Variants in TBC1D19 observed in about 807,000 individuals in gnomAD.
The protein encoded by TBC1D19 is TBC1 domain family member 19.
TBC1D19 carries 60 observed loss-of-function variants against 89.0 expected under a neutral mutation model. The observed-to-expected ratio is 0.67, with a 90% CI of 0.55 to 0.84. TBC1D19 has a LOEUF of 0.84. Ranked by LOEUF, TBC1D19 falls within the 40% of genes least tolerant of loss-of-function variation. TBC1D19 has a pLI of 0.00. For missense variants in TBC1D19, 500 were observed against 610.8 expected, an observed-to-expected ratio of 0.82 and a Z score of 1.91; for synonymous variants, 189 against 199.7, an observed-to-expected ratio of 0.95 and a Z score of 0.45.
the TBC1D19 span, among the ~76,000 whole-genome samples, chr4:26,799,788 G>GT: frequency 6.6e-6 from 1 of 152,106 alleles, no homozygotes; most frequent in South Asian, 2.1e-4. Flanking sequence ...ATAAATTCCT[G>GT]TTGTTTATAC....
chr4:26,717,881 C>T, intron 13 of TBC1D19, 52 bp from the exon 14 acceptor site: 1 of 1,428,590 alleles, frequency 7.0e-7, no homozygotes, highest in South Asian at 1.2e-5. Context: ...AATGAATTAC[C>T]TGGTTTTATA....
chr4:26,711,416 A>T (rs1421316607), intron 13 of TBC1D19, among the ~76,000 whole-genome samples: 6 of 152,048 alleles, frequency 3.9e-5, no homozygotes. Context: ...AAATTTTATA[A>T]TAGTTTTACG....
At chr4:26,740,888 A>G (rs1718327646) in intron 17 of TBC1D19, 2 of 985,282 alleles carry the variant, frequency 2.0e-6, no homozygotes, top group Non-Finnish European at 2.4e-6. Flanking sequence ...TTTTGCTTTC[A>G]TACATCGCTA....
intron 8 of TBC1D19, among the ~76,000 whole-genome samples, chr4:26,661,518 G>A (rs1465537481): frequency 3.9e-5 from 6 of 151,942 alleles, no homozygotes; most frequent in Non-Finnish European, 7.4e-5. Flanking sequence ...TTTCTAAATC[G>A]GAACGACCAA....
At chr4:26,638,857 A>T (rs1286881688) in intron 6 of TBC1D19, 23 bp downstream of exon 6, 3 of 1,565,742 alleles carry the variant, frequency 1.9e-6, no homozygotes, top group African/African-American at 1.4e-5. Context: ...TTTTTTCTGA[A>T]TGTAGTAGTG....
At position 26,734,932 on chromosome 4, in the gene TBC1D19, G is replaced by A. The variant is rs1448585235; in HGVS notation, c.1085-523G>A. ...CACACATGTGTACATACACATATAT[G>A]TGTGTATATATGTATACACATATGT... On this transcript the variant is annotated intron_variant, in intron 15 of 20. Transcript: ENST00000264866. Among the ~76,000 whole-genome samples, 53 of 62,414 alleles carry A rather than the reference G, an allele frequency of 8.5e-4. No individual in the cohort carries two copies. In the South Asian group the frequency reaches 0.018, roughly 21 times the overall value. 40.9% of individuals were successfully genotyped at this position (62,414 alleles called of 152,430 possible).
intron 11 of TBC1D19, among the ~76,000 whole-genome samples, chr4:26,676,362 CAAACTT>C (rs1392436395): frequency 6.6e-6 from 1 of 152,220 alleles, no homozygotes; most frequent in East Asian, 1.9e-4. Context: ...TTCTTCCTGC[CAAACTT>C]GTAAACTTAA....
intron 1 of TBC1D19, among the ~76,000 whole-genome samples, chr4:26,593,188 A>G: frequency 6.6e-6 from 1 of 152,184 alleles, no homozygotes; most frequent in Non-Finnish European, 1.5e-5. Context: ...AATGCCACAT[A>G]TCTACAACTA....
downstream of TBC1D19, among the ~76,000 whole-genome samples, chr4:26,756,531 C>T (rs542158459): frequency 3.3e-5 from 5 of 152,168 alleles, no homozygotes; most frequent in African/African-American, 9.6e-5. Flanking sequence ...TGTAAGCTTT[C>T]TTATCTGTAA....
At chr4:26,776,622 T>C in the TBC1D19 span, among the ~76,000 whole-genome samples, 1 of 152,244 alleles carries the variant, frequency 6.6e-6, no homozygotes, top group Non-Finnish European at 1.5e-5. Flanking sequence ...GCTTGTTTTC[T>C]ATTTAGATAC....
chr4:26,816,515 G>A, the TBC1D19 span, among the ~76,000 whole-genome samples: 24 of 152,040 alleles, frequency 1.6e-4, no homozygotes, highest in African/African-American at 3.9e-4. Flanking sequence ...GGGGAAAATC[G>A]TAAATTTACA....
At chr4:26,798,678 C>A in the TBC1D19 span, among the ~76,000 whole-genome samples, 16 of 151,806 alleles carry the variant, frequency 1.1e-4, no homozygotes, top group African/African-American at 3.9e-4. Flanking sequence ...GAAATATATA[C>A]CATGGAATAC....
intron 13 of TBC1D19, among the ~76,000 whole-genome samples, chr4:26,710,351 G>A (rs1388601206): frequency 1.3e-5 from 2 of 152,162 alleles, no homozygotes; most frequent in Non-Finnish European, 2.9e-5. Context: ...TCCCTACAAA[G>A]GACATGAACT....
intron 4 of TBC1D19, among the ~76,000 whole-genome samples, chr4:26,626,164 T>A (rs752270706): frequency 2.6e-5 from 4 of 152,212 alleles, no homozygotes; most frequent in Non-Finnish European, 5.9e-5. Context: ...TAATATTTTT[T>A]AATTTTGTTG....
At chr4:26,594,967 A>G (rs1740111751) in intron 1 of TBC1D19, among the ~76,000 whole-genome samples, 1 of 152,214 alleles carries the variant, frequency 6.6e-6, no homozygotes, top group South Asian at 2.1e-4. Context: ...CAAAGAGTGA[A>G]ATTGATAGAT....
intron 11 of TBC1D19, among the ~76,000 whole-genome samples, chr4:26,676,474 T>C (rs1330385543): frequency 6.6e-6 from 1 of 152,150 alleles, no homozygotes; most frequent in Non-Finnish European, 1.5e-5. Context: ...TCCCAGCATT[T>C]TGGAAGGCTG....
At chr4:26,674,521 A>C (rs2109114693) in intron 11 of TBC1D19, among the ~76,000 whole-genome samples, 1 of 152,176 alleles carries the variant, frequency 6.6e-6, no homozygotes, top group East Asian at 1.9e-4. Context: ...CCATTTAAAA[A>C]ATTTTAATGA....
At chr4:26,807,201 G>A in the TBC1D19 span, among the ~76,000 whole-genome samples, 2 of 152,092 alleles carry the variant, frequency 1.3e-5, no homozygotes, top group African/African-American at 4.8e-5. Context: ...GGGATCCAGA[G>A]TCCCCCATCC....
intron 11 of TBC1D19, among the ~76,000 whole-genome samples, chr4:26,683,136 T>A (rs1426700706): frequency 6.6e-6 from 1 of 152,172 alleles, no homozygotes; most frequent in Non-Finnish European, 1.5e-5. Context: ...ATGCTTAAAC[T>A]TTTTATTTTG....
Sources: allele counts gnomAD v4.1 joint callset (sites outside exome capture counted in the v4.1 genomes callset), GRCh38; gene constraint gnomAD v4.1.1; transcripts MANE v1.5; gene names NCBI Gene and HGNC (gene_info 2026-07-23, HGNC 2026-07-21).